ANKRD62: variants seen among roughly 807,000 people sequenced by gnomAD.
The protein encoded by ANKRD62 is ankyrin repeat domain-containing protein 62.
Under a neutral mutation model 98.8 loss-of-function variants are expected in ANKRD62, and 61 were observed. The ratio of observed to expected loss-of-function variants is 0.62; its 90% CI spans 0.50 to 0.76. ANKRD62 has a LOEUF of 0.76. ANKRD62 is among the 30% of genes least tolerant of loss of function. The pLI is 0.00. For missense variants in ANKRD62, 933 were observed against 1,082.9 expected (o/e 0.86, Z 1.94); for synonymous variants, 341 against 367.9 (o/e 0.93, Z 0.84).
intron 10 of ANKRD62, among the ~76,000 whole-genome samples, chr18:12,115,867 A>G (rs1007437791): frequency 3.6e-4 from 55 of 152,198 alleles, no homozygotes; most frequent in Admixed American, 3.3e-4. Context: ...CTACTGCCCC[A>G]CCTTCCAAAG....
the ANKRD62 span, among the ~76,000 whole-genome samples, chr18:12,141,295 C>A: frequency 9.8e-5 from 15 of 152,350 alleles, no homozygotes; most frequent in African/African-American, 2.9e-4. Flanking sequence ...TGACCCCTTG[C>A]ACTTCCCGGG....
chr18:12,096,054 A>G, intron 3 of ANKRD62, 142 bp from the exon 4 acceptor site: 1 of 639,160 alleles, frequency 1.6e-6, no homozygotes, highest in East Asian at 2.8e-5. Context: ...GTGGGCAAGC[A>G]CAGTGGAGTG....
intron 10 of ANKRD62, among the ~76,000 whole-genome samples, chr18:12,117,223 A>T (rs1302620039): frequency 6.6e-6 from 1 of 152,122 alleles, no homozygotes; most frequent in African/African-American, 2.4e-5. Flanking sequence ...TTCTCAAAGT[A>T]CCCTCTTATT....
the ANKRD62 span, among the ~76,000 whole-genome samples, chr18:12,157,839 C>T: frequency 6.6e-6 from 1 of 152,174 alleles, no homozygotes; most frequent in East Asian, 1.9e-4. Flanking sequence ...CTGGGATGGG[C>T]AACTATGGGC....
At chr18:12,107,051 A>G (rs940266290) in intron 7 of ANKRD62, among the ~76,000 whole-genome samples, 1 of 151,706 alleles carries the variant, frequency 6.6e-6, no homozygotes, top group African/African-American at 2.4e-5. Context: ...CAAATTTGGA[A>G]TGGGCCCATT....
At chr18:12,150,947 A>G in the ANKRD62 span, among the ~76,000 whole-genome samples, 1 of 152,230 alleles carries the variant, frequency 6.6e-6, no homozygotes, top group Non-Finnish European at 1.5e-5. Flanking sequence ...CACTAACTTT[A>G]TATGTAAATG....
At position 12,125,966 on chromosome 18, in the gene ANKRD62, C is replaced by T; in HGVS notation, c.2145C>T (p.Gly715=). Reference sequence around the variant, plus strand: ...CTAAAGCTGAGAGTACATCCAGTGGCCTGGAAACTGAGCTCCATTATGAAA... The same window carrying T: ...CTAAAGCTGAGAGTACATCCAGTGGTCTGGAAACTGAGCTCCATTATGAAA... ...QLSKAESTSS[G]LETELHYERE... is the part of the protein sequence containing the mutation. Residue 715 remains glycine (G), a synonymous_variant, in exon 13 of 14, where the codon GGC becomes GGT. Transcript: ENST00000587848. The T allele has an allele frequency of 6.5e-7, 1 of 1,537,486 alleles. No individual in the cohort carries two copies. Among genetic ancestry groups the T allele is most frequent in the Non-Finnish European group, 8.7e-7 (1 of 1,146,900 alleles).
At chr18:12,164,596 C>T in the ANKRD62 span, among the ~76,000 whole-genome samples, 1 of 151,618 alleles carries the variant, frequency 6.6e-6, no homozygotes, top group Non-Finnish European at 1.5e-5. Flanking sequence ...TGAAGTTTTT[C>T]TTCTTTCTTG....
At chr18:12,096,747 G>GTGTT (rs1909191237) in intron 4 of ANKRD62, among the ~76,000 whole-genome samples, 1 of 152,072 alleles carries the variant, frequency 6.6e-6, no homozygotes, top group Non-Finnish European at 1.5e-5. Flanking sequence ...AAATCATTTT[G>GTGTT]TGTTTTGGAT....
intron 8 of ANKRD62, among the ~76,000 whole-genome samples, chr18:12,111,418 AG>A (rs1909536349): frequency 6.6e-6 from 1 of 152,212 alleles, no homozygotes; most frequent in South Asian, 2.1e-4. Context: ...CAAAATAATA[AG>A]AGCCGTATAT....
At chr18:12,132,222 A>C (rs1435804861), downstream of ANKRD62, among the ~76,000 whole-genome samples, 3 of 152,110 alleles carry the variant, frequency 2.0e-5, no homozygotes. Context: ...AATTCCTAGC[A>C]GTTTATTTCT....
Position 12,096,200 on chromosome 18 carries a change from G to A in ANKRD62, c.512G>A (p.Gly171Glu). 1 of 1,526,498 alleles carries A rather than the reference G, an allele frequency of 6.6e-7. No individual in the cohort carries two copies. The highest frequency in any genetic ancestry group is 8.8e-7 in the Non-Finnish European group (1 of 1,139,962). The allele number at this position is 1,526,498 out of a possible 1,614,324, so 94.6% of individuals were successfully genotyped here. A position where few individuals can be genotyped will look rare whatever the true frequency, so the allele number is the denominator to read the frequency against. Residue 171 changes from glycine to glutamate, a missense_variant, in exon 4 of 14, where the codon GGA becomes GAA. Gly to Glu is a moderately conservative substitution (Grantham distance 98). Coordinates refer to ENST00000587848, the MANE Select transcript of ANKRD62 (RefSeq NM_001277333.2). ...GADIEARSQD[G>E]HTSLLLAVNR... ...ATTGTTTTTGCTGTTTTGCAGGATG[G>A]ACATACATCACTTTTACTCGCTGTA...
intron 10 of ANKRD62, among the ~76,000 whole-genome samples, chr18:12,116,641 T>C (rs958028136): frequency 6.6e-6 from 1 of 152,240 alleles, no homozygotes. Context: ...TTTTGGTTAC[T>C]GTTGATGTAT....
chr18:12,132,842 A>T (rs1568068639), downstream of ANKRD62, among the ~76,000 whole-genome samples: 1 of 152,038 alleles, frequency 6.6e-6, no homozygotes, highest in East Asian at 1.9e-4. Context: ...TTTTTCTTGA[A>T]TTTTTTAGTT....
At chr18:12,110,082 C>G (rs1000544338) in intron 8 of ANKRD62, among the ~76,000 whole-genome samples, 2 of 152,130 alleles carry the variant, frequency 1.3e-5, no homozygotes, top group African/African-American at 4.8e-5. Flanking sequence ...GAGGCACTCT[C>G]AATGCATGTC....
intron 11 of ANKRD62, among the ~76,000 whole-genome samples, chr18:12,123,489 T>G (rs1909824648): frequency 6.6e-6 from 1 of 152,262 alleles, no homozygotes; most frequent in Non-Finnish European, 1.5e-5. Context: ...TGTTCTTTAT[T>G]GTTTAAATAT....
At chr18:12,126,703 G>A (rs983451346) in intron 13 of ANKRD62, among the ~76,000 whole-genome samples, 3 of 152,112 alleles carry the variant, frequency 2.0e-5, no homozygotes, top group Non-Finnish European at 4.4e-5. Flanking sequence ...CCACATTTTA[G>A]GATTACGATA....
chr18:12,176,054 T>C, the ANKRD62 span, among the ~76,000 whole-genome samples: 1 of 151,508 alleles, frequency 6.6e-6, no homozygotes, highest in Non-Finnish European at 1.5e-5. Context: ...TGGCCGGGCA[T>C]GGTGGCGCAT....
the ANKRD62 span, among the ~76,000 whole-genome samples, chr18:12,136,976 C>A: frequency 6.6e-6 from 1 of 151,998 alleles, no homozygotes; most frequent in African/African-American, 2.4e-5. Flanking sequence ...TCTAGATATA[C>A]AATCATGTCA....
Sources: gnomAD v4.1 joint callset for allele counts (sites outside exome capture counted in the v4.1 genomes callset) on GRCh38, gnomAD v4.1.1 for gene constraint, MANE v1.5 for transcripts, NCBI Gene and HGNC (gene_info 2026-07-23, HGNC 2026-07-21) for gene names.